Variants in MYT1L observed in about 807,000 individuals in gnomAD.
The protein encoded by MYT1L is myelin transcription factor 1 like.
MYT1L carries 12 observed loss-of-function variants against 126.7 expected under a neutral mutation model. That is an observed-to-expected ratio of 0.09 (90% CI 0.06 to 0.15). The LOEUF is 0.15. Ranked by LOEUF, MYT1L falls within the 10% of genes least tolerant of loss-of-function variation. MYT1L has a pLI of 1.00. For missense variants in MYT1L, 979 were observed against 1,585.2 expected, an observed-to-expected ratio of 0.62 and a Z score of 6.49; for synonymous variants, 541 against 604.2, an observed-to-expected ratio of 0.90 and a Z score of 1.53.
chr2:1,892,226 G>A lies in MYT1L; in HGVS notation c.2094C>T (p.Ser698=). ...CGCCGCAGCTCAGGTTGCTGCTGCT[G>A]CTGGGCGCGTAGCTGCTGGTGCTGC... ...SSSSTSSYAP[S]SSSNLSCGGG... The change falls in exon 15 of 25, where the codon AGC becomes AGT. Residue 698 remains serine (S), a synonymous_variant. Transcript: ENST00000647738. The A allele has an allele frequency of 6.5e-7, 1 of 1,550,216 alleles. No individual in the cohort carries two copies. Among genetic ancestry groups the A allele is most frequent in the Admixed American group, 2.0e-5 (1 of 50,982 alleles).
At position 1,835,823 on chromosome 2, in the gene MYT1L, G is replaced by A. The variant is rs540691839; in HGVS notation, c.3080+3326C>T. 2.6e-4 allele frequency among the ~76,000 whole-genome samples: 39 copies of A among 152,286 alleles called. 1 individual carries two copies. Among genetic ancestry groups the A allele is most frequent in the Admixed American group, 2.2e-3 (34 of 15,302 alleles). On this transcript the variant is annotated intron_variant, in intron 21 of 24. Coordinates refer to ENST00000647738, the MANE Select transcript of MYT1L (RefSeq NM_001303052.2). ...AAAACGGAGGAATATCAACATTTCC[G>A]TGTAGCTCAGCCAGCCCATGGCAGG...
intron 2 of MYT1L, among the ~76,000 whole-genome samples, chr2:2,178,423 T>TA (rs2091059985): frequency 6.6e-6 from 1 of 152,178 alleles, no homozygotes; most frequent in African/African-American, 2.4e-5. Context: ...TCTAGCTCAT[T>TA]AAAAAACCTT....
chr2:2,276,555 G>A (rs188270803), intron 2 of MYT1L, among the ~76,000 whole-genome samples: 10 of 152,264 alleles, frequency 6.6e-5, no homozygotes, highest in Admixed American at 5.2e-4. Context: ...GGGTTTGTTA[G>A]TTTCCACTTC....
chr2:1,861,656 A>AGCCTGTGTAATCGTGGATCCTCCTACG (rs1277757499), intron 18 of MYT1L, among the ~76,000 whole-genome samples: 1 of 91,666 alleles, frequency 1.1e-5, no homozygotes, highest in Non-Finnish European at 2.6e-5. Context: ...ATCTTCCTAC[A>AGCCTGTGTAATCGTGGATCCTCCTACG]GCCTGTGTAA....
chr2:1,884,334 T>C (rs2047922879), intron 18 of MYT1L, among the ~76,000 whole-genome samples: 1 of 152,154 alleles, frequency 6.6e-6, no homozygotes, highest in Non-Finnish European at 1.5e-5. Flanking sequence ...CTTGAAAATA[T>C]ACACAAAGAA....
chr2:2,154,722 A>C (rs1221440556), intron 3 of MYT1L, among the ~76,000 whole-genome samples: 1 of 152,218 alleles, frequency 6.6e-6, no homozygotes, highest in Non-Finnish European at 1.5e-5. Context: ...AAAATAACTA[A>C]GGTGCTAGAC....
At chr2:2,004,301 GCA>G (rs2062852133) in intron 4 of MYT1L, among the ~76,000 whole-genome samples, 1 of 141,508 alleles carries the variant, frequency 7.1e-6, no homozygotes, top group Non-Finnish European at 1.6e-5. Context: ...GTTCTTTCCT[GCA>G]TGCGTTCTTT....
intron 8 of MYT1L, among the ~76,000 whole-genome samples, chr2:1,948,365 C>T (rs1241947932): frequency 6.6e-6 from 1 of 152,218 alleles, no homozygotes; most frequent in Non-Finnish European, 1.5e-5. Flanking sequence ...TCCCTTCTCT[C>T]TCTGATCCAT....
intron 9 of MYT1L, among the ~76,000 whole-genome samples, chr2:1,926,329 C>T (rs2054225387): frequency 6.6e-6 from 1 of 152,208 alleles, no homozygotes; most frequent in African/African-American, 2.4e-5. Flanking sequence ...TCAGCCTCAT[C>T]TGGAATTCAA....
intron 2 of MYT1L, among the ~76,000 whole-genome samples, chr2:2,272,994 G>T (rs2095292638): frequency 6.6e-6 from 1 of 152,068 alleles, no homozygotes. Context: ...TCCACCTGCA[G>T]TGGAGGGATC....
intron 8 of MYT1L, among the ~76,000 whole-genome samples, chr2:1,965,007 T>A (rs1290515251): frequency 2.0e-5 from 3 of 152,238 alleles, no homozygotes; most frequent in African/African-American, 7.2e-5. Flanking sequence ...AAAATGGCTG[T>A]GAGAGCTCTC....
chr2:1,949,886 T>A (rs1292547605), intron 8 of MYT1L, among the ~76,000 whole-genome samples: 2 of 152,208 alleles, frequency 1.3e-5, no homozygotes, highest in African/African-American at 4.8e-5. Context: ...TTTCTTGTAT[T>A]GCTTGAATAG....
At chr2:1,835,109 C>T (rs113336638) in intron 21 of MYT1L, among the ~76,000 whole-genome samples, 2 of 151,272 alleles carry the variant, frequency 1.3e-5, no homozygotes, top group African/African-American at 4.9e-5. Flanking sequence ...TGCTCCTCCA[C>T]ATACCATGGG....
intron 2 of MYT1L, among the ~76,000 whole-genome samples, chr2:2,260,979 T>C (rs979603580): frequency 1.3e-4 from 20 of 152,220 alleles, no homozygotes; most frequent in Non-Finnish European, 2.8e-4. Flanking sequence ...CTGTCCTTGA[T>C]ACTTTGTTAA....
chr2:1,872,917 G>C (rs560498283), intron 18 of MYT1L, among the ~76,000 whole-genome samples: 40 of 133,702 alleles, frequency 3.0e-4, no homozygotes, highest in African/African-American at 1.3e-3. Flanking sequence ...TCACTGTGTA[G>C]ATGGGGAAAA....
At chr2:2,037,816 C>A (rs900664260) in intron 4 of MYT1L, among the ~76,000 whole-genome samples, 2 of 150,976 alleles carry the variant, frequency 1.3e-5, no homozygotes, top group African/African-American at 4.9e-5. Context: ...AAAAAAAAAC[C>A]CCCTACACAC....
chr2:2,292,308 G>A (rs1312754267), intron 1 of MYT1L, among the ~76,000 whole-genome samples: 1 of 152,150 alleles, frequency 6.6e-6, no homozygotes, highest in African/African-American at 2.4e-5. Flanking sequence ...CGGCCTCCTT[G>A]GTTTGGGATA....
At position 1,889,488 on chromosome 2, in the gene MYT1L, A is replaced by G; in HGVS notation, c.2284-11T>C. 1 of 1,583,800 alleles carries G rather than the reference A, an allele frequency of 6.3e-7. No individual in the cohort carries two copies. Among genetic ancestry groups the G allele is most frequent in the East Asian group, 2.2e-5 (1 of 44,478 alleles). ...CTCCATGTCAGGGTTCTGTCGGTAGAAAGACATAGTGACTGTGCTTGGCCC... is the reference window on the plus strand; with the variant it reads ...CTCCATGTCAGGGTTCTGTCGGTAGGAAGACATAGTGACTGTGCTTGGCCC... On this transcript the variant is annotated splice_polypyrimidine_tract_variant and intron_variant, in intron 15 of 24. Coordinates refer to ENST00000647738, the MANE Select transcript of MYT1L (RefSeq NM_001303052.2). This position sits in a 1 kb window ranked among gnomAD's most constrained non-coding sequence, Gnocchi z 4.1.
rs1330983103 is a variant in MYT1L at position 1,925,359 on chromosome 2, C to T, written c.506-2096G>A. Among the ~76,000 whole-genome samples the T allele has an allele frequency of 5.3e-5, 8 of 152,162 alleles. 1 individual carries two copies. The highest frequency in any genetic ancestry group is 5.2e-4 in the Admixed American group (8 of 15,270). ...TGCAGGGGGAACAGGTCCTGGTTCC[C>T]ACCTTATGAACTTCCTCACCTTCCT... On this transcript the variant is annotated intron_variant, in intron 9 of 24. Transcript: ENST00000647738.
Sources: gnomAD v4.1 joint callset for allele counts (sites outside exome capture counted in the v4.1 genomes callset) on GRCh38, gnomAD v4.1.1 for gene constraint, Gnocchi (gnomAD v3.1) non-coding constraint, MANE v1.5 for transcripts, NCBI Gene and HGNC (gene_info 2026-07-23, HGNC 2026-07-21) for gene names.